ALDH1A2: variants seen among roughly 807,000 people sequenced by gnomAD.
ALDH1A2 encodes the protein retinal dehydrogenase 2.
A neutral mutation model predicts 60.3 loss-of-function variants in ALDH1A2; 27 were observed. The observed-to-expected ratio is 0.45, with a 90% confidence interval of 0.33 to 0.62. The LOEUF (loss-of-function observed/expected upper bound fraction) is 0.62. Among genes scored for constraint, ALDH1A2 ranks in the 20% least tolerant of loss-of-function variants. The pLI is 0.02. For synonymous variants in ALDH1A2, 289 were observed against 232.4 expected (o/e 1.24, Z -2.21); for missense variants, 581 against 643.8 (o/e 0.90, Z 1.06).
At position 58,010,760 on chromosome 15, in the gene ALDH1A2, C is replaced by T. The variant is rs1193166675; in HGVS notation, c.382G>A (p.Gly128Ser). 1 of 1,613,296 alleles carries T rather than the reference C, an allele frequency of 6.2e-7. No individual in the cohort carries two copies. Among genetic ancestry groups the T allele is most frequent in the Non-Finnish European group, 8.5e-7 (1 of 1,179,428 alleles). ...AAAGCTTGCAGGAATGGTTTGCCACCATTTAGGGATTCCATGGTCTGTTGG... is the reference window on the plus strand; with the variant it reads ...AAAGCTTGCAGGAATGGTTTGCCACTATTTAGGGATTCCATGGTCTGTTGG... ...AVLATMESLN[G>S]GKPFLQAFYV... is the part of the protein sequence containing the mutation. The change falls in exon 4 of 13, where the codon GGT becomes AGT. Residue 128 changes from glycine (G) to serine (S), a missense_variant. Gly to Ser is a moderately conservative substitution (Grantham distance 56). Around this residue, in one of 2 missense-constraint regions of ALDH1A2, gnomAD observed 206 missense variants for 174.1 expected, o/e 1.18. Coordinates refer to ENST00000249750, the MANE Select transcript of ALDH1A2 (RefSeq NM_003888.4).
chr15:57,958,761 A>AT (rs1411475489), intron 12 of ALDH1A2, among the ~76,000 whole-genome samples: 2 of 152,212 alleles, frequency 1.3e-5, no homozygotes, highest in Non-Finnish European at 2.9e-5. Context: ...TATTTGAAGC[A>AT]TTTTCTGTCA....
At chr15:58,033,414 G>A (rs562166970) in intron 1 of ALDH1A2, among the ~76,000 whole-genome samples, 1 of 151,784 alleles carries the variant, frequency 6.6e-6, no homozygotes, top group African/African-American at 2.4e-5. Flanking sequence ...TGCAGTTACT[G>A]CCTTCTATTG....
In ALDH1A2 at chr15:57,993,079, A is replaced by G. The variant is rs372191854; in HGVS notation, c.556-6T>C. 6.2e-7 allele frequency: 1 copy of G among 1,611,742 alleles called. No individual in the cohort carries two copies. The highest frequency in any genetic ancestry group is 8.5e-7 in the Non-Finnish European group (1 of 1,179,886). On this transcript the variant is annotated splice_region_variant and splice_polypyrimidine_tract_variant and intron_variant, in intron 5 of 12. Transcript: ENST00000249750. ...ATCAGCAGGGGGAAGTTCCACTGAA[A>G]GGAAAAAACTCAAAGTTGATAGATG...
At chr15:57,967,234 T>C (rs1444248325) in intron 7 of ALDH1A2, among the ~76,000 whole-genome samples, 1 of 151,942 alleles carries the variant, frequency 6.6e-6, no homozygotes, top group Non-Finnish European at 1.5e-5. Flanking sequence ...GGAAATTTAT[T>C]TACTATCTGA....
intron 3 of ALDH1A2, among the ~76,000 whole-genome samples, chr15:58,012,579 T>A (rs1895664394): frequency 6.6e-6 from 1 of 152,192 alleles, no homozygotes; most frequent in African/African-American, 2.4e-5. Context: ...TTCTTCACCA[T>A]GAAACACCTT....
At chr15:57,986,324 G>A (rs1894698580) in intron 7 of ALDH1A2, among the ~76,000 whole-genome samples, 1 of 152,076 alleles carries the variant, frequency 6.6e-6, no homozygotes, top group Admixed American at 6.6e-5. Flanking sequence ...AGATAAGAAA[G>A]ATCTTGTTGA....
chr15:58,014,143 T>C (rs771968339), intron 2 of ALDH1A2, 34 bp downstream of exon 2: 2 of 1,614,136 alleles, frequency 1.2e-6, no homozygotes, highest in Admixed American at 3.3e-5. Context: ...AGGCAGTTAT[T>C]TCATAGGAAA....
intron 1 of ALDH1A2, among the ~76,000 whole-genome samples, chr15:58,059,564 G>C (rs1005476947): frequency 1.3e-5 from 2 of 152,100 alleles, no homozygotes; most frequent in Non-Finnish European, 2.9e-5. Context: ...TCAATATCTT[G>C]TATTTTTATC....
intron 7 of ALDH1A2, among the ~76,000 whole-genome samples, chr15:57,983,225 T>C (rs1161018020): frequency 2.0e-5 from 3 of 152,234 alleles, no homozygotes; most frequent in Non-Finnish European, 4.4e-5. Flanking sequence ...ATCGAGCTTT[T>C]ACAAAGTGCT....
chr15:57,991,232 T>A (rs1197509026), intron 7 of ALDH1A2, among the ~76,000 whole-genome samples: 1 of 152,218 alleles, frequency 6.6e-6, no homozygotes, highest in Non-Finnish European at 1.5e-5. Flanking sequence ...TTTCTTAGCA[T>A]CTAGCCTTTA....
At chr15:57,965,153 A>G (rs1396441058) in intron 8 of ALDH1A2, among the ~76,000 whole-genome samples, 1 of 152,174 alleles carries the variant, frequency 6.6e-6, no homozygotes, top group Admixed American at 6.5e-5. Flanking sequence ...TACTTCTCTA[A>G]GCCTCTGTAA....
chr15:58,024,284 A>C (rs1896014583), intron 1 of ALDH1A2, among the ~76,000 whole-genome samples: 1 of 152,184 alleles, frequency 6.6e-6, no homozygotes, highest in Non-Finnish European at 1.5e-5. Flanking sequence ...ATAATGGCTG[A>C]ATGGATTTTT....
At chr15:58,004,412 C>A (rs769180220) in intron 4 of ALDH1A2, among the ~76,000 whole-genome samples, 2 of 151,704 alleles carry the variant, frequency 1.3e-5, no homozygotes, top group Non-Finnish European at 2.9e-5. Flanking sequence ...GCTTCTAGTG[C>A]GCCCATCACC....
At chr15:58,042,110 T>C (rs1382582471) in intron 1 of ALDH1A2, among the ~76,000 whole-genome samples, 3 of 151,980 alleles carry the variant, frequency 2.0e-5, no homozygotes, top group South Asian at 2.1e-4. Context: ...AAATCCTATA[T>C]TAAAACTACC....
In ALDH1A2 at chr15:57,963,432, C is replaced by T. The variant is rs138016939; in HGVS notation, c.1086+453G>A. On this transcript the variant is annotated intron_variant, in intron 9 of 12. Coordinates refer to ENST00000249750, the MANE Select transcript of ALDH1A2 (RefSeq NM_003888.4). ...GGCACAGTCTGTAAGCTCCATCTCC[C>T]GGGTTCACGCCATTCTCCTACCTCA... Among the ~76,000 whole-genome samples the T allele has an allele frequency of 7.7e-3, 1,166 of 151,710 alleles. 6 individuals carry two copies. Among genetic ancestry groups the T allele is most frequent in the Middle Eastern group, 0.027 (8 of 294 alleles).
intron 1 of ALDH1A2, 123 bp downstream of exon 1, chr15:58,065,411 A>G: frequency 2.3e-6 from 2 of 878,572 alleles, no homozygotes; most frequent in South Asian, 1.3e-5. Flanking sequence ...CTGCGCCGGG[A>G]TGACAGGCTG....
chr15:58,000,177 C>A (rs1895215598), intron 4 of ALDH1A2, among the ~76,000 whole-genome samples: 1 of 151,922 alleles, frequency 6.6e-6, no homozygotes, highest in South Asian at 2.1e-4. Flanking sequence ...GTGTAACAAA[C>A]CTGCACAGGT....
chr15:57,996,027 C>T (rs1410470536), intron 4 of ALDH1A2, among the ~76,000 whole-genome samples: 1 of 152,056 alleles, frequency 6.6e-6, no homozygotes, highest in Non-Finnish European at 1.5e-5. Context: ...ACTGCCGGCC[C>T]TTAGGCCACT....
intron 12 of ALDH1A2, among the ~76,000 whole-genome samples, chr15:57,958,553 T>G (rs974211235): frequency 6.6e-6 from 1 of 152,148 alleles, no homozygotes; most frequent in Non-Finnish European, 1.5e-5. Flanking sequence ...TCCTGGGAGT[T>G]TCCAGATGTT....
Sources: allele counts gnomAD v4.1 joint callset (sites outside exome capture counted in the v4.1 genomes callset), GRCh38; gene constraint gnomAD v4.1.1; regional missense constraint gnomAD v4.1.1; transcripts MANE v1.5; gene names NCBI Gene and HGNC (gene_info 2026-07-23, HGNC 2026-07-21).